HERC6: variants seen among roughly 807,000 people sequenced by gnomAD.
The protein encoded by HERC6 is probable E3 ubiquitin-protein ligase HERC6.
A neutral mutation model predicts 114.5 loss-of-function variants in HERC6; 101 were observed. That is an observed-to-expected ratio of 0.88 (90% CI 0.75 to 1.04). The LOEUF is 1.04. Ranked by LOEUF, HERC6 falls within the 50% of genes least tolerant of loss-of-function variation. HERC6 has a pLI of 0.00. For missense variants in HERC6, 1,133 were observed against 1,230.9 expected (o/e 0.92, Z 1.19); for synonymous variants, 408 against 436.2 (o/e 0.94, Z 0.81).
chr4:88,405,410 C>A, intron 9 of HERC6, 144 bp from the exon 10 acceptor site: 1 of 464,522 alleles, frequency 2.2e-6, no homozygotes, highest in Non-Finnish European at 3.8e-6. Context: ...AAAGTATACC[C>A]AGGATTTGGG....
intron 11 of HERC6, among the ~76,000 whole-genome samples, chr4:88,412,793 G>A (rs890515434): frequency 2.6e-5 from 4 of 152,102 alleles, no homozygotes; most frequent in Non-Finnish European, 5.9e-5. Flanking sequence ...CTTTGTATTC[G>A]TTTTGAATCC....
At chr4:88,412,537 A>C (rs1736173507) in intron 11 of HERC6, among the ~76,000 whole-genome samples, 1 of 152,190 alleles carries the variant, frequency 6.6e-6, no homozygotes, top group Non-Finnish European at 1.5e-5. Context: ...TTGAGGCTGC[A>C]GTGAGCTATG....
At chr4:88,387,739 TTGAG>T (rs967147156) in intron 3 of HERC6, among the ~76,000 whole-genome samples, 1 of 152,216 alleles carries the variant, frequency 6.6e-6, no homozygotes, top group Admixed American at 6.5e-5. Flanking sequence ...ATTTAGAAGA[TTGAG>T]TGAGAGAAGA....
At chr4:88,389,742 G>T (rs1375748620) in intron 3 of HERC6, among the ~76,000 whole-genome samples, 1 of 152,030 alleles carries the variant, frequency 6.6e-6, no homozygotes, top group Non-Finnish European at 1.5e-5. Context: ...ACCTTTTAAA[G>T]ATTTGTAAAA....
At chr4:88,388,652 T>C (rs970527506) in intron 3 of HERC6, among the ~76,000 whole-genome samples, 1 of 151,784 alleles carries the variant, frequency 6.6e-6, no homozygotes, top group African/African-American at 2.4e-5. Context: ...AATGCTCCAA[T>C]GGGGTAGAGA....
chr4:88,406,431 A>T (rs1324227736), intron 10 of HERC6, among the ~76,000 whole-genome samples: 1 of 152,220 alleles, frequency 6.6e-6, no homozygotes, highest in African/African-American at 2.4e-5. Context: ...CAGTCCCATT[A>T]GTTCTTAACC....
At chr4:88,379,186 C>G in intron 1 of HERC6, 66 bp downstream of exon 1, 2 of 1,285,646 alleles carry the variant, frequency 1.6e-6, no homozygotes, top group Non-Finnish European at 2.1e-6. Flanking sequence ...GCTTGGGTAC[C>G]GGGCGCAGGG....
chr4:88,424,847 T>TA, intron 15 of HERC6, 145 bp downstream of exon 15: 1 of 605,420 alleles, frequency 1.7e-6, no homozygotes, highest in Non-Finnish European at 2.8e-6. Flanking sequence ...TTGTTGTTGT[T>TA]ACTGTTTTTG....
At chr4:88,417,344 A>T in intron 12 of HERC6, 81 bp from the exon 13 acceptor site, 1 of 1,228,724 alleles carries the variant, frequency 8.1e-7, no homozygotes. Context: ...TCTATTTCTT[A>T]CATTAAAGAA....
chr4:88,383,347 T>C lies in HERC6; in HGVS notation c.326T>C (p.Ile109Thr), dbSNP rs982654974. The C allele has an allele frequency of 1.3e-6, 2 of 1,526,306 alleles. No individual in the cohort carries two copies. The highest frequency in any genetic ancestry group is 1.8e-6 in the Non-Finnish European group (2 of 1,139,574). The allele number at this position is 1,526,306 out of a possible 1,614,324, so 94.5% of individuals were successfully genotyped here. The change falls in exon 2 of 23, where the codon ATT (isoleucine) becomes ACT (threonine). Residue 109 changes from isoleucine (I) to threonine (T), a missense_variant. Transcript: ENST00000264346. Reference sequence around the variant, plus strand: ...GCTGGTTCTGAAGGGCAGCTGGGGATTGGAGAATTCAAGGAAATAAGTTTC... The same window carrying C: ...GCTGGTTCTGAAGGGCAGCTGGGGACTGGAGAATTCAAGGAAATAAGTTTC... ...WGAGSEGQLG[I>T]GEFKEISFTP...
At chr4:88,414,601 C>T (rs1007758919) in intron 12 of HERC6, among the ~76,000 whole-genome samples, 1 of 152,150 alleles carries the variant, frequency 6.6e-6, no homozygotes, top group Non-Finnish European at 1.5e-5. Context: ...ATGGTTATTT[C>T]TTGATTATGT....
chr4:88,414,517 A>T (rs191692540), intron 12 of HERC6, among the ~76,000 whole-genome samples: 2 of 152,302 alleles, frequency 1.3e-5, no homozygotes, highest in Non-Finnish European at 2.9e-5. Context: ...TAAGTTTACT[A>T]AGAAAGTAGA....
intron 16 of HERC6, 38 bp downstream of exon 16, chr4:88,428,788 T>C: frequency 7.0e-7 from 1 of 1,433,774 alleles, no homozygotes; most frequent in Admixed American, 2.8e-5. Context: ...TTTACTTCTG[T>C]GGGAGGGATG....
chr4:88,390,979 C>A, intron 4 of HERC6, 100 bp downstream of exon 4: 1 of 956,506 alleles, frequency 1.0e-6, no homozygotes. Flanking sequence ...CAGTGGTTCC[C>A]AAACTTGTGA....
At chr4:88,403,829 T>C (rs538481784) in intron 8 of HERC6, among the ~76,000 whole-genome samples, 2 of 152,216 alleles carry the variant, frequency 1.3e-5, no homozygotes, top group African/African-American at 4.8e-5. Context: ...ATTATCTTTT[T>C]ATTTATTGTG....
rs1484231138 is a variant in HERC6 at position 88,380,371 on chromosome 4, AAAT to A, written c.199+1253_199+1255del. The stretch of plus-strand genomic sequence containing the variant: ...TAATATAAATATATATATAATATAT[AAAT>A]ATATATATATAATATATAAATATAT... On this transcript the variant is annotated intron_variant, in intron 1 of 22. Transcript: ENST00000264346. Among the ~76,000 whole-genome samples, 16 of 17,892 alleles carry A rather than the reference AAAT, an allele frequency of 8.9e-4. 1 individual carries two copies. Among genetic ancestry groups the A allele is most frequent in the African/African-American group, 6.4e-3 (14 of 2,200 alleles). The allele number at this position is 17,892 out of a possible 152,430, so 11.7% of individuals were successfully genotyped here. A position where few individuals can be genotyped will look rare whatever the true frequency, so the allele number is the denominator to read the frequency against.
chr4:88,397,672 T>A (rs11946811), intron 7 of HERC6, among the ~76,000 whole-genome samples: 2 of 151,422 alleles, frequency 1.3e-5, no homozygotes, highest in African/African-American at 4.9e-5. Context: ...GGCAACAGGG[T>A]GAGACTCCAT....
chr4:88,379,144 G>C, intron 1 of HERC6, 24 bp downstream of exon 1: 1 of 1,524,456 alleles, frequency 6.6e-7, no homozygotes, highest in Non-Finnish European at 8.8e-7. Context: ...CCCAGGTGCA[G>C]GGTGTGAGGA....
intron 13 of HERC6, among the ~76,000 whole-genome samples, chr4:88,418,350 G>C (rs1289243741): frequency 6.6e-6 from 1 of 152,130 alleles, no homozygotes; most frequent in Admixed American, 6.5e-5. Flanking sequence ...CTCAAAGTAG[G>C]AGCGAGCCAA....
Sources: gnomAD v4.1 joint callset for allele counts (sites outside exome capture counted in the v4.1 genomes callset) on GRCh38, gnomAD v4.1.1 for gene constraint, MANE v1.5 for transcripts, NCBI Gene and HGNC (gene_info 2026-07-23, HGNC 2026-07-21) for gene names.